Variants in RAP1B observed in about 807,000 individuals in gnomAD.
RAP1B encodes the protein RAP1B, member of RAS oncogene family.
RAP1B carries 1 observed loss-of-function variant against 27.5 expected under a neutral mutation model. That is an observed-to-expected ratio of 0.04 (90% CI 0.01 to 0.17). RAP1B has a LOEUF of 0.17. Among genes scored for constraint, RAP1B ranks in the 10% least tolerant of loss-of-function variants. The pLI is 1.00. For synonymous variants in RAP1B, 75 were observed against 73.1 expected (o/e 1.03, Z -0.13); for missense variants, 84 against 214.8 (o/e 0.39, Z 3.81).
At chr12:68,641,411 T>C (rs893455115) in intron 1 of RAP1B, among the ~76,000 whole-genome samples, 1 of 152,248 alleles carries the variant, frequency 6.6e-6, no homozygotes, top group African/African-American at 2.4e-5. Flanking sequence ...ATGTCTTTGC[T>C]GTGGTTTGCT....
At chr12:68,630,403 T>G (rs1305735440) in intron 1 of RAP1B, among the ~76,000 whole-genome samples, 4 of 152,072 alleles carry the variant, frequency 2.6e-5, no homozygotes, top group Non-Finnish European at 5.9e-5. Context: ...CCAACAAAAT[T>G]TTATTTACCA....
At chr12:68,647,947 G>T (rs1873542917) in intron 1 of RAP1B, 1 of 152,060 alleles carries the variant, frequency 6.6e-6, no homozygotes, top group Admixed American at 6.6e-5. Flanking sequence ...ATCTGTTCTG[G>T]TTGCTACCTT....
chr12:68,615,817 C>T (rs1870948700), intron 1 of RAP1B, among the ~76,000 whole-genome samples: 1 of 152,080 alleles, frequency 6.6e-6, no homozygotes, highest in Non-Finnish European at 1.5e-5. Flanking sequence ...ATACATATAT[C>T]AGTGAGACCT....
intron 1 of RAP1B, among the ~76,000 whole-genome samples, chr12:68,618,086 CTTTTTTTTTTT>C (rs36224976): frequency 6.6e-5 from 4 of 60,788 alleles, no homozygotes; most frequent in African/African-American, 1.6e-4. Flanking sequence ...TTCTATAAAG[CTTTTTTTTTTT>C]TTTTTTTTTT....
intron 5 of RAP1B, among the ~76,000 whole-genome samples, chr12:68,655,679 G>C (rs985754937): frequency 3.3e-5 from 5 of 152,014 alleles, no homozygotes; most frequent in Non-Finnish European, 7.4e-5. Context: ...GGAATTACAG[G>C]CGTGTGTCAC....
intron 1 of RAP1B, among the ~76,000 whole-genome samples, chr12:68,622,112 G>A (rs1871425250): frequency 6.6e-6 from 1 of 152,112 alleles, no homozygotes; most frequent in Non-Finnish European, 1.5e-5. Context: ...TTCTGGCACT[G>A]GTCATGAAAC....
intron 1 of RAP1B, among the ~76,000 whole-genome samples, chr12:68,644,751 C>T (rs1873276842): frequency 1.5e-5 from 2 of 130,022 alleles, no homozygotes; most frequent in African/African-American, 3.0e-5. Context: ...TGCAGTGGTG[C>T]GATCTGGGCT....
At chr12:68,638,753 C>T (rs936731433) in intron 1 of RAP1B, among the ~76,000 whole-genome samples, 5 of 151,970 alleles carry the variant, frequency 3.3e-5, no homozygotes, top group South Asian at 4.1e-4. Flanking sequence ...CTCGGCCTTC[C>T]AGGTTCAAAT....
At chr12:68,629,893 T>G (rs1592435196) in intron 1 of RAP1B, among the ~76,000 whole-genome samples, 2 of 152,206 alleles carry the variant, frequency 1.3e-5, no homozygotes, top group East Asian at 3.8e-4. Flanking sequence ...GGCATATATT[T>G]TGCAACTAAT....
rs369668962 is a variant in RAP1B at position 68,620,878 on chromosome 12, G to A, written c.-27+9835G>A. ...GCTGGGATTACAGGAGTGAGCCACC[G>A]CACCGGTCTGGTTCCACATTTTAAA... On this transcript the variant is annotated intron_variant, in intron 1 of 7. Transcript: ENST00000250559. Among the ~76,000 whole-genome samples, 41 of 152,200 alleles carry A rather than the reference G, an allele frequency of 2.7e-4. No homozygotes were observed. In the East Asian group the frequency reaches 7.7e-3, roughly 29 times the overall value.
At position 68,664,549 on chromosome 12, in the gene RAP1B, A is replaced by C. The variant is rs1874765383; in HGVS notation, c.*5300A>C. The C allele has an allele frequency of 6.6e-6, 1 of 152,186 alleles. No homozygotes were observed. The highest frequency in any genetic ancestry group is 1.5e-5 in the Non-Finnish European group (1 of 68,058). The allele number at this position is 152,186 out of a possible 1,614,324, so 9.4% of individuals were successfully genotyped here. ...ATGGTGAAACCCCGTCTCTACTAAA[A>C]ATAACAAAAATTAGACGGGCACGGT... On this transcript the variant is annotated 3_prime_UTR_variant, in exon 8 of 8. Coordinates refer to ENST00000250559, the MANE Select transcript of RAP1B (RefSeq NM_001010942.3).
chr12:68,654,144 GA>G lies in RAP1B; in HGVS notation c.221del (p.Asn74MetfsTer7). On this transcript the variant is annotated frameshift_variant, in exon 5 of 8. Coordinates refer to ENST00000250559, the MANE Select transcript of RAP1B (RefSeq NM_001010942.3). LOFTEE classifies it high-confidence loss of function. ...TTACAGCAATGAGGGATTTATACAT[GA>G]AAAATGGACAAGGATTTGCATTAGT... ...QFTAMRDLYM[K>X]NGQGFALVYS... is the part of the protein sequence containing the mutation. 4 of 1,598,872 alleles carry G rather than the reference GA, an allele frequency of 2.5e-6. No individual in the cohort carries two copies. The highest frequency in any genetic ancestry group is 3.4e-6 in the Non-Finnish European group (4 of 1,166,736).
intron 1 of RAP1B, among the ~76,000 whole-genome samples, chr12:68,613,390 A>T (rs1419723294): frequency 5.5e-5 from 2 of 36,492 alleles, no homozygotes; most frequent in Non-Finnish European, 1.5e-4. Context: ...GACCTGTCTT[A>T]AAAAAAAAAA....
chr12:68,621,274 C>G (rs987856507), intron 1 of RAP1B, among the ~76,000 whole-genome samples: 2 of 152,160 alleles, frequency 1.3e-5, no homozygotes, highest in African/African-American at 2.4e-5. Context: ...GTCTGCTGTT[C>G]TAGCAATTCT....
chr12:68,621,422 T>C (rs1378945372), intron 1 of RAP1B: 1 of 152,242 alleles, frequency 6.6e-6, no homozygotes, highest in Admixed American at 6.5e-5. Flanking sequence ...TTAGCTTGTT[T>C]ATACTTGTGT....
At position 68,661,292 on chromosome 12, in the gene RAP1B, TC is replaced by T. The variant is rs1289649789; in HGVS notation, c.*2044del. 4 of 152,292 alleles carry T rather than the reference TC, an allele frequency of 2.6e-5. No individual in the cohort carries two copies. In the East Asian group the frequency reaches 7.7e-4, roughly 29 times the overall value. 9.4% of individuals were successfully genotyped at this position (152,292 alleles called of 1,614,324 possible). On this transcript the variant is annotated 3_prime_UTR_variant, in exon 8 of 8. Coordinates refer to ENST00000250559, the MANE Select transcript of RAP1B (RefSeq NM_001010942.3). The stretch of plus-strand genomic sequence containing the variant: ...GGGACTGTGAAACACTAAAATTACT[TC>T]AATTTACTATGTCCTGTTACATCCA...
At chr12:68,616,683 C>A (rs1281799583) in intron 1 of RAP1B, among the ~76,000 whole-genome samples, 1 of 152,054 alleles carries the variant, frequency 6.6e-6, no homozygotes, top group Non-Finnish European at 1.5e-5. Flanking sequence ...ATCCACCTGG[C>A]TTGGCCTCCC....
chr12:68,632,160 T>TTTTTTTTTTTC (rs150063055), intron 1 of RAP1B, among the ~76,000 whole-genome samples: 1 of 144,726 alleles, frequency 6.9e-6, no homozygotes, highest in African/African-American at 2.7e-5. Context: ...GTTTTTTTTT[T>TTTTTTTTTTTC]CCAGACTGTT....
chr12:68,613,252 C>T (rs1407193983), intron 1 of RAP1B, among the ~76,000 whole-genome samples: 1 of 151,798 alleles, frequency 6.6e-6, no homozygotes, highest in African/African-American at 2.4e-5. Flanking sequence ...CCCAGCTATT[C>T]GGGAGGCTGA....
Sources: gnomAD v4.1 joint callset for allele counts (sites outside exome capture counted in the v4.1 genomes callset) on GRCh38, gnomAD v4.1.1 for gene constraint, MANE v1.5 for transcripts, NCBI Gene and HGNC (gene_info 2026-07-23, HGNC 2026-07-21) for gene names.